RPGRIP1L: variants seen among roughly 807,000 people sequenced by gnomAD.
RPGRIP1L encodes the protein protein fantom.
In RPGRIP1L, 131 loss-of-function variants were observed where a neutral mutation model predicts 160.4. That is an observed-to-expected ratio of 0.82 (90% CI 0.71 to 0.94). The LOEUF is 0.94. RPGRIP1L is among the 40% of genes least tolerant of loss of function. The pLI, the probability that RPGRIP1L is intolerant of heterozygous loss-of-function variation, is 0.00. For missense variants in RPGRIP1L, 1,522 were observed against 1,535.8 expected (o/e 0.99, Z 0.15); for synonymous variants, 510 against 515.8 (o/e 0.99, Z 0.15).
At chr16:53,665,566 C>G (rs1299130908) in intron 9 of RPGRIP1L, among the ~76,000 whole-genome samples, 1 of 151,962 alleles carries the variant, frequency 6.6e-6, no homozygotes, top group Admixed American at 6.6e-5. Context: ...AAACAAAAAA[C>G]AATAGGCTAA....
At chr16:53,628,939 T>A (rs985875517) in intron 22 of RPGRIP1L, 1 of 152,106 alleles carries the variant, frequency 6.6e-6, no homozygotes, top group Non-Finnish European at 1.5e-5. Context: ...CAAATAATTA[T>A]GCCAAATAAT....
chr16:53,622,326 T>A lies in RPGRIP1L; in HGVS notation c.3325A>T (p.Ser1109Cys). 1 of 643,920 alleles carries A rather than the reference T, an allele frequency of 1.6e-6. No homozygotes were observed. Among genetic ancestry groups the A allele is most frequent in the Non-Finnish European group, 2.8e-6 (1 of 352,620 alleles). The allele number at this position is 643,920 out of a possible 1,614,324, so 39.9% of individuals were successfully genotyped here. A position where few individuals can be genotyped will look rare whatever the true frequency, so the allele number is the denominator to read the frequency against. The change falls in exon 23 of 27, where the codon AGT (serine) becomes TGT (cysteine). Residue 1109 changes from serine (S) to cysteine (C), a missense_variant. By Grantham distance (112) the Ser-to-Cys change is moderately radical. Transcript: ENST00000647211. ...SLALSPGLGC[S>C]SAISAHCNFR... ...TTGCAGTGAGCTGAGATCGCGCTACTGCACCCCAGCCCGGGAGACAATGCG... is the reference window on the plus strand; with the variant it reads ...TTGCAGTGAGCTGAGATCGCGCTACAGCACCCCAGCCCGGGAGACAATGCG...
intron 17 of RPGRIP1L, among the ~76,000 whole-genome samples, chr16:53,644,602 C>A (rs1432343339): frequency 1.3e-5 from 2 of 152,060 alleles, no homozygotes. Flanking sequence ...ATGAGAGAAC[C>A]ACAATAAAAT....
At chr16:53,690,757 G>A (rs1179350021) in intron 4 of RPGRIP1L, among the ~76,000 whole-genome samples, 1 of 152,180 alleles carries the variant, frequency 6.6e-6, no homozygotes, top group African/African-American at 2.4e-5. Context: ...TATTGTGGGA[G>A]CCACCATCTC....
intron 6 of RPGRIP1L, 57 bp downstream of exon 6, chr16:53,686,376 T>C: frequency 6.5e-7 from 1 of 1,530,110 alleles, no homozygotes; most frequent in Non-Finnish European, 9.0e-7. Flanking sequence ...TGGCACATGA[T>C]AAAGTATTTT....
At chr16:53,666,722 T>G (rs990681325) in intron 9 of RPGRIP1L, among the ~76,000 whole-genome samples, 40 of 152,212 alleles carry the variant, frequency 2.6e-4, no homozygotes, top group Admixed American at 9.2e-4. Context: ...TGCCAAAAAT[T>G]AGAAACAGTA....
At chr16:53,656,439 T>C in intron 14 of RPGRIP1L, 33 bp downstream of exon 14, 1 of 1,327,438 alleles carries the variant, frequency 7.5e-7, no homozygotes. Flanking sequence ...ATTCCTCTAG[T>C]TACTGTGGAC....
At chr16:53,650,985 A>G (rs529620590) in intron 15 of RPGRIP1L, among the ~76,000 whole-genome samples, 16 of 152,118 alleles carry the variant, frequency 1.1e-4, no homozygotes, top group African/African-American at 3.9e-4. Flanking sequence ...AATATATTCT[A>G]TATGCTAACA....
At chr16:53,608,742 G>A (rs1310962232) in intron 25 of RPGRIP1L, among the ~76,000 whole-genome samples, 2 of 152,142 alleles carry the variant, frequency 1.3e-5, no homozygotes, top group Non-Finnish European at 2.9e-5. Flanking sequence ...TCATAAACTA[G>A]GAGCTACTTT....
chr16:53,703,680 G>A, intron 1 of RPGRIP1L, 123 bp downstream of exon 1: 1 of 226,080 alleles, frequency 4.4e-6, no homozygotes, highest in Non-Finnish European at 9.1e-6. Flanking sequence ...CAGAACTCCA[G>A]GGCCAACTCC....
intron 22 of RPGRIP1L, among the ~76,000 whole-genome samples, chr16:53,629,017 T>C (rs1965344843): frequency 6.6e-6 from 1 of 152,094 alleles, no homozygotes; most frequent in Admixed American, 6.6e-5. Context: ...TATAAATAGA[T>C]ACAAACCTGA....
At position 53,605,570 on chromosome 16, in the gene RPGRIP1L, T is replaced by C; in HGVS notation, c.3746A>G (p.Asp1249Gly). ...VVSDPPEDEQ[D>G]LECEDIGVAH... The stretch of plus-strand genomic sequence containing the variant: ...CACGCCAATGTCCTCACACTCCAGG[T>C]CCTGCTCGTCCTCTGGAGGGTCACT... The change falls in exon 26 of 27, where the codon GAC (aspartate) becomes GGC (glycine). Residue 1249 changes from aspartate to glycine, a missense_variant. Transcript: ENST00000647211. The C allele has an allele frequency of 6.2e-7, 1 of 1,613,966 alleles. No individual in the cohort carries two copies. Among genetic ancestry groups the C allele is most frequent in the Non-Finnish European group, 8.5e-7 (1 of 1,179,882 alleles).
intron 16 of RPGRIP1L, among the ~76,000 whole-genome samples, chr16:53,646,392 A>C (rs1966550422): frequency 6.6e-6 from 1 of 152,190 alleles, no homozygotes; most frequent in Non-Finnish European, 1.5e-5. Context: ...TGATTCTGTT[A>C]TATTTGGGTT....
At chr16:53,668,435 T>C (rs951996357) in intron 9 of RPGRIP1L, among the ~76,000 whole-genome samples, 1 of 152,176 alleles carries the variant, frequency 6.6e-6, no homozygotes, top group Non-Finnish European at 1.5e-5. Flanking sequence ...CATTAGTGTC[T>C]CTCAAGGAGT....
Position 53,672,978 on chromosome 16 carries a change from C to A in RPGRIP1L, c.921G>T (p.Met307Ile). ...RTLRISHDAL[M>I]ANGDELNMQL... Reference sequence around the variant, plus strand: ...GCATGTTTAATTCATCCCCATTTGCCATCAAAGCATCGTGGCTGATTCTGA... The same window carrying A: ...GCATGTTTAATTCATCCCCATTTGCAATCAAAGCATCGTGGCTGATTCTGA... The change falls in exon 8 of 27, where the codon ATG (methionine) becomes ATT (isoleucine). Residue 307 changes from methionine (M) to isoleucine (I), a missense_variant. Physicochemically the swap from Met to Ile is conservative, Grantham distance 10. Coordinates refer to ENST00000647211, the MANE Select transcript of RPGRIP1L (RefSeq NM_015272.5). 6.2e-7 allele frequency: 1 copy of A among 1,613,220 alleles called. No homozygotes were observed.
intron 7 of RPGRIP1L, among the ~76,000 whole-genome samples, chr16:53,674,793 A>G (rs1030942476): frequency 3.9e-5 from 6 of 152,092 alleles, no homozygotes; most frequent in African/African-American, 7.3e-5. Flanking sequence ...GATGACACAG[A>G]TATTTATAAA....
intron 25 of RPGRIP1L, among the ~76,000 whole-genome samples, chr16:53,610,570 A>C (rs1963967051): frequency 6.6e-6 from 1 of 151,644 alleles, no homozygotes; most frequent in African/African-American, 2.4e-5. Flanking sequence ...AGAGAGGTGC[A>C]AGAAGGTTAG....
intron 3 of RPGRIP1L, among the ~76,000 whole-genome samples, chr16:53,693,000 G>T (rs1970490941): frequency 1.3e-5 from 2 of 152,266 alleles, no homozygotes; most frequent in South Asian, 2.1e-4. Flanking sequence ...TTTAAATTTG[G>T]ACATAAATTG....
intron 15 of RPGRIP1L, among the ~76,000 whole-genome samples, chr16:53,651,520 C>T (rs768159508): frequency 2.3e-4 from 35 of 152,182 alleles, no homozygotes; most frequent in Non-Finnish European, 3.7e-4. Context: ...CTTGAATCCC[C>T]CCTTTGCTGC....
Sources: gnomAD v4.1 joint callset for allele counts (sites outside exome capture counted in the v4.1 genomes callset) on GRCh38, gnomAD v4.1.1 for gene constraint, MANE v1.5 for transcripts, NCBI Gene and HGNC (gene_info 2026-07-23, HGNC 2026-07-21) for gene names.